LMNTD1: variants seen among roughly 807,000 people sequenced by gnomAD.
LMNTD1 encodes the protein lamin tail domain-containing protein 1.
A neutral mutation model predicts 50.9 loss-of-function variants in LMNTD1; 35 were observed. The observed-to-expected ratio is 0.69, with a 90% confidence interval of 0.53 to 0.91. The LOEUF is 0.91. Among genes scored for constraint, LMNTD1 ranks in the 40% least tolerant of loss-of-function variants. The pLI is 0.00. For synonymous variants in LMNTD1, 153 were observed against 161.9 expected, an observed-to-expected ratio of 0.94 and a Z score of 0.42; for missense variants, 470 against 475.5, an observed-to-expected ratio of 0.99 and a Z score of 0.11.
intron 1 of LMNTD1, among the ~76,000 whole-genome samples, chr12:25,627,860 A>C (rs1946624866): frequency 6.6e-6 from 1 of 152,146 alleles, no homozygotes; most frequent in Non-Finnish European, 1.5e-5. Context: ...CTGTAATCCC[A>C]GCACTTTGGG....
chr12:25,578,843 A>T (rs1945148470), intron 1 of LMNTD1, among the ~76,000 whole-genome samples: 1 of 152,224 alleles, frequency 6.6e-6, no homozygotes, highest in South Asian at 2.1e-4. Context: ...AGTACAATGA[A>T]ATCCAAATAA....
chr12:25,541,282 C>G lies in LMNTD1; in HGVS notation c.491+5092G>C, dbSNP rs1240283355. Among the ~76,000 whole-genome samples the G allele has an allele frequency of 3.6e-5, 4 of 110,970 alleles. 1 individual carries two copies. The East Asian group carries it at 1.1e-3, about 31-fold the overall frequency. The allele number at this position is 110,970 out of a possible 152,430, so 72.8% of individuals were successfully genotyped here. A position where few individuals can be genotyped will look rare whatever the true frequency, so the allele number is the denominator to read the frequency against. ...CCGCATCACCAATTCAATCCTAAGC[C>G]AAAAGAACAAAGCTGGAGGCATCAC... On this transcript the variant is annotated intron_variant, in intron 4 of 9. Transcript: ENST00000458174.
At chr12:25,568,865 A>C (rs567177359) in intron 1 of LMNTD1, among the ~76,000 whole-genome samples, 1 of 152,348 alleles carries the variant, frequency 6.6e-6, no homozygotes, top group African/African-American at 2.4e-5. Context: ...TGTATCAGAA[A>C]GCCTCCTAGG....
intron 1 of LMNTD1, among the ~76,000 whole-genome samples, chr12:25,613,026 C>T (rs948509838): frequency 5.3e-5 from 8 of 152,130 alleles, no homozygotes; most frequent in South Asian, 2.1e-4. Context: ...AGCCATGGAA[C>T]GAGGACAGAT....
chr12:25,574,748 T>C (rs1944935293), intron 1 of LMNTD1, among the ~76,000 whole-genome samples: 1 of 152,140 alleles, frequency 6.6e-6, no homozygotes, highest in African/African-American at 2.4e-5. Flanking sequence ...CCTGCGGTCA[T>C]GGATCGTTTA....
chr12:25,635,009 G>C (rs1223769805), intron 1 of LMNTD1, among the ~76,000 whole-genome samples: 1 of 152,136 alleles, frequency 6.6e-6, no homozygotes, highest in Non-Finnish European at 1.5e-5. Context: ...GGGAGGCCGA[G>C]GCCGTGGCTC....
chr12:25,527,892 T>C (rs1167517812), intron 4 of LMNTD1, among the ~76,000 whole-genome samples: 2 of 151,604 alleles, frequency 1.3e-5, no homozygotes, highest in African/African-American at 4.8e-5. Flanking sequence ...CAAAGCCTGG[T>C]CCAAAACTGA....
intron 1 of LMNTD1, among the ~76,000 whole-genome samples, chr12:25,595,961 C>A (rs900595122): frequency 6.6e-6 from 1 of 152,038 alleles, no homozygotes; most frequent in African/African-American, 2.4e-5. Flanking sequence ...CTATGAATAT[C>A]TTTACATGCA....
At chr12:25,564,291 C>T (rs565794071) in intron 1 of LMNTD1, among the ~76,000 whole-genome samples, 5 of 152,328 alleles carry the variant, frequency 3.3e-5, no homozygotes, top group African/African-American at 4.8e-5. Flanking sequence ...AAGAGTCTTG[C>T]TCTGTCACCC....
At chr12:25,534,675 GA>G (rs1053892126) in intron 4 of LMNTD1, among the ~76,000 whole-genome samples, 7 of 152,170 alleles carry the variant, frequency 4.6e-5, no homozygotes, top group African/African-American at 1.7e-4. Context: ...AGACTATTTT[GA>G]AAAGATTAGA....
chr12:25,618,323 A>G (rs1361034156), intron 1 of LMNTD1, among the ~76,000 whole-genome samples: 2 of 152,128 alleles, frequency 1.3e-5, no homozygotes, highest in Non-Finnish European at 1.5e-5. Context: ...GCAGGCATCA[A>G]TCTTCTTAGA....
rs1938899582 is a variant in LMNTD1, at chr12:25,492,022, AG to A, written c.*22+11715del. 5.3e-5 allele frequency among the ~76,000 whole-genome samples: 8 copies of A among 152,374 alleles called. No homozygotes were observed. In the South Asian group the frequency reaches 1.7e-3, roughly 32 times the overall value. On this transcript the variant is annotated intron_variant, in intron 9 of 9. Coordinates refer to ENST00000458174, the MANE Select transcript of LMNTD1 (RefSeq NM_001145728.2). ...CGTCCAGAAATCAACCAGAAAACTT[AG>A]CAAACATTAGAGTTTACTTTAGATT...
At chr12:25,562,774 A>C (rs142726271) in intron 1 of LMNTD1, among the ~76,000 whole-genome samples, 3,411 of 152,318 alleles carry the variant, frequency 0.022, 51 homozygotes, top group Middle Eastern at 0.058. Flanking sequence ...CAGGTACACC[A>C]ATCCGATGTA....
rs147446194 is a variant in LMNTD1 at position 25,575,641 on chromosome 12, T to C, written c.59-29087A>G. ...TTCTTTGACATTTTAACCAGGCCAA[T>C]TGCCTCTTTTCCAGGAACAAGGGAG... is the stretch of plus-strand genomic sequence containing the variant. On this transcript the variant is annotated intron_variant, in intron 1 of 7. Transcript: ENST00000445693. Among the ~76,000 whole-genome samples, 1,520 of 152,202 alleles carry C rather than the reference T, an allele frequency of 1.0e-2. 13 individuals carry two copies. Among genetic ancestry groups the C allele is most frequent in the Non-Finnish European group, 0.017 (1,172 of 68,008 alleles).
At chr12:25,488,557 ACTT>A (rs1334907288) in intron 9 of LMNTD1, among the ~76,000 whole-genome samples, 1 of 148,296 alleles carries the variant, frequency 6.7e-6, no homozygotes, top group Non-Finnish European at 1.5e-5. Flanking sequence ...AAAGTTTTCA[ACTT>A]CTTTGCCTTT....
intron 4 of LMNTD1, among the ~76,000 whole-genome samples, chr12:25,533,293 C>G (rs1942348589): frequency 6.6e-6 from 1 of 152,106 alleles, no homozygotes; most frequent in Non-Finnish European, 1.5e-5. Flanking sequence ...GACCTGAGAC[C>G]TCTACTTATA....
chr12:25,630,986 C>T (rs1946706083), intron 1 of LMNTD1, among the ~76,000 whole-genome samples: 1 of 152,166 alleles, frequency 6.6e-6, no homozygotes, highest in Non-Finnish European at 1.5e-5. Context: ...GTGAGACCAG[C>T]CCTTCAGTTT....
intron 1 of LMNTD1, among the ~76,000 whole-genome samples, chr12:25,598,455 AG>A (rs1945888373): frequency 6.6e-6 from 1 of 152,076 alleles, no homozygotes; most frequent in Non-Finnish European, 1.5e-5. Flanking sequence ...GAACTAGAAA[AG>A]TAAGAGCAAA....
intron 1 of LMNTD1, among the ~76,000 whole-genome samples, chr12:25,613,299 A>G (rs1350113118): frequency 6.6e-6 from 1 of 152,218 alleles, no homozygotes; most frequent in Non-Finnish European, 1.5e-5. Context: ...TGGTTCTGAC[A>G]TGACGGGTAG....
Sources: gnomAD v4.1 joint callset for allele counts (sites outside exome capture counted in the v4.1 genomes callset) on GRCh38, gnomAD v4.1.1 for gene constraint, MANE v1.5 for transcripts, NCBI Gene and HGNC (gene_info 2026-07-23, HGNC 2026-07-21) for gene names.